The following PDE9A variants were observed in gnomAD, a reference collection of about 807,000 sequenced individuals.
PDE9A encodes phosphodiesterase 9A.
A neutral mutation model predicts 87.4 loss-of-function variants in PDE9A; 60 were observed. That is an observed-to-expected ratio of 0.69 (90% CI 0.56 to 0.85). PDE9A has a LOEUF of 0.85. Among genes scored for constraint, PDE9A ranks in the 40% least tolerant of loss-of-function variants. PDE9A has a pLI of 0.00. For synonymous variants in PDE9A, 272 were observed against 279.4 expected, an observed-to-expected ratio of 0.97 and a Z score of 0.27; for missense variants, 665 against 779.0, an observed-to-expected ratio of 0.85 and a Z score of 1.74.
intron 1 of PDE9A, among the ~76,000 whole-genome samples, chr21:42,682,375 C>A (rs1462681409): frequency 6.6e-6 from 1 of 152,224 alleles, no homozygotes; most frequent in African/African-American, 2.4e-5. Context: ...TTTTTTCCAA[C>A]ATAATCTCAA....
In PDE9A at chr21:42,661,587, C is replaced by T. The variant is rs537687027; in HGVS notation, c.69+7704C>T. 7.1e-4 allele frequency among the ~76,000 whole-genome samples: 108 copies of T among 152,244 alleles called. No individual in the cohort carries two copies. In the Middle Eastern group the frequency reaches 0.014, roughly 19 times the overall value. On this transcript the variant is annotated intron_variant, in intron 1 of 19. Transcript: ENST00000291539. ...AATTTCCTGCCTTTTTAAGGCCGAG[C>T]GGTATTCCATTGTGTGCGTGGACCA...
At position 42,653,887 on chromosome 21, in the gene PDE9A, GC is replaced by G; in HGVS notation, c.69+8del. 6.5e-7 allele frequency: 1 copy of G among 1,532,296 alleles called. No individual in the cohort carries two copies. 94.9% of individuals were successfully genotyped at this position (1,532,296 alleles called of 1,614,324 possible). On this transcript the variant is annotated splice_donor_5th_base_variant and intron_variant, in intron 1 of 19. Transcript: ENST00000291539. ...CATCGATGGACGCATTCAGAAGGTAGCCCCTCCCCCACCCAGACACCCCCTC... is the reference window on the plus strand; with the variant it reads ...CATCGATGGACGCATTCAGAAGGTAGCCCTCCCCCACCCAGACACCCCCTC...
At chr21:42,754,160 G>T in intron 10 of PDE9A, 96 bp downstream of exon 10, 3 of 669,102 alleles carry the variant, frequency 4.5e-6, no homozygotes, top group South Asian at 1.7e-5. Flanking sequence ...CCTCCTTCTT[G>T]CTTTTTCCTC....
intron 17 of PDE9A, 80 bp from the exon 18 acceptor site, chr21:42,770,623 A>G: frequency 1.8e-6 from 2 of 1,087,020 alleles, no homozygotes; most frequent in Non-Finnish European, 2.8e-6. Context: ...CGCACGGAGC[A>G]CCTGACACCT....
chr21:42,737,545 T>C (rs2052587070), intron 7 of PDE9A, among the ~76,000 whole-genome samples: 6 of 152,208 alleles, frequency 3.9e-5, no homozygotes, highest in Admixed American at 1.3e-4. Context: ...CTGCAACCTC[T>C]GCCCCCCGAA....
intron 1 of PDE9A, among the ~76,000 whole-genome samples, chr21:42,663,529 G>A (rs73379624): frequency 0.056 from 8,489 of 152,284 alleles, 665 homozygotes; most frequent in African/African-American, 0.17. Context: ...CTCATTGCCC[G>A]ATGTGATGAG....
chr21:42,662,898 AC>A (rs1181990312), intron 1 of PDE9A, among the ~76,000 whole-genome samples: 1 of 131,906 alleles, frequency 7.6e-6, no homozygotes, highest in Non-Finnish European at 1.6e-5. Flanking sequence ...ACAAAAACAC[AC>A]CACACACACC....
rs1601827052 is a variant in PDE9A, at chr21:42,653,729, C to A, written c.-86C>A. 1 of 505,756 alleles carries A rather than the reference C, an allele frequency of 2.0e-6. No individual in the cohort carries two copies. Among genetic ancestry groups the A allele is most frequent in the Non-Finnish European group, 3.4e-6 (1 of 293,056 alleles). 31.3% of individuals were successfully genotyped at this position (505,756 alleles called of 1,614,324 possible). ...CCGCGGGCCGCCCCCCGCCCGCCCC[C>A]TCCCCTGCTCCCCTCCCCCGCCTCC... On this transcript the variant is annotated 5_prime_UTR_variant, in exon 1 of 20. Coordinates refer to ENST00000291539, the MANE Select transcript of PDE9A (RefSeq NM_002606.3).
At chr21:42,743,727 C>A in intron 7 of PDE9A, 49 bp from the exon 8 acceptor site, 1 of 1,195,654 alleles carries the variant, frequency 8.4e-7, no homozygotes. Context: ...GAGAGATCCT[C>A]CACATTCGTC....
At chr21:42,709,685 G>A (rs1046288672) in intron 4 of PDE9A, among the ~76,000 whole-genome samples, 6 of 152,130 alleles carry the variant, frequency 3.9e-5, no homozygotes, top group Non-Finnish European at 8.8e-5. Context: ...GTTTGTGTGT[G>A]TGTGCGTTTG....
intron 13 of PDE9A, among the ~76,000 whole-genome samples, chr21:42,761,534 C>G (rs77208106): frequency 0.011 from 1,628 of 152,332 alleles, 26 homozygotes; most frequent in African/African-American, 0.036. Flanking sequence ...GCAGCTCTCT[C>G]TGTTGAACTG....
At position 42,754,453 on chromosome 21, in the gene PDE9A, G is replaced by A. The variant is rs1006594351; in HGVS notation, c.810+389G>A. 1.2e-4 allele frequency among the ~76,000 whole-genome samples: 18 copies of A among 152,322 alleles called. No homozygotes were observed. The South Asian group carries it at 2.7e-3, about 23-fold the overall frequency. The stretch of plus-strand genomic sequence containing the variant: ...AATCTCTCCTCAAGGAAGGGGCTGC[G>A]GTCAGAGTGCTCTGCTCTGAGAGCA... On this transcript the variant is annotated intron_variant, in intron 10 of 19. Transcript: ENST00000291539.
intron 7 of PDE9A, chr21:42,741,291 G>A (rs1379447915): frequency 6.6e-6 from 1 of 152,260 alleles, no homozygotes; most frequent in Non-Finnish European, 1.5e-5. Context: ...AACCCAAAAT[G>A]TGTTCTTGGG....
intron 10 of PDE9A, among the ~76,000 whole-genome samples, chr21:42,754,506 C>T (rs1330008559): frequency 6.6e-6 from 1 of 152,226 alleles, no homozygotes; most frequent in Non-Finnish European, 1.5e-5. Context: ...GCACAGGCAA[C>T]CGGCTGCCCC....
chr21:42,730,377 C>T (rs574556057), intron 4 of PDE9A, among the ~76,000 whole-genome samples: 177 of 152,148 alleles, frequency 1.2e-3, no homozygotes, highest in South Asian at 4.2e-3. Context: ...TCTGGTCTAC[C>T]CTCTCGTTTG....
At position 42,705,606 on chromosome 21, in the gene PDE9A, C is replaced by T. The variant is rs188534200; in HGVS notation, c.262+6595C>T. Among the ~76,000 whole-genome samples the T allele has an allele frequency of 1.1e-4, 16 of 152,214 alleles. No homozygotes were observed. In the South Asian group the frequency reaches 1.5e-3, roughly 14 times the overall value. ...GGGGATTGTGTCTTTTTGACCAGAG[C>T]GTTAGGGAAAGCGTGCTGCAGTCAC... On this transcript the variant is annotated intron_variant, in intron 4 of 19. Coordinates refer to ENST00000291539, the MANE Select transcript of PDE9A (RefSeq NM_002606.3). The surrounding 1 kb of genome is among the most constrained non-coding windows in gnomAD (Gnocchi z 4.3).
intron 4 of PDE9A, among the ~76,000 whole-genome samples, chr21:42,720,850 A>G (rs1184676506): frequency 1.3e-5 from 2 of 151,872 alleles, no homozygotes; most frequent in African/African-American, 4.8e-5. Context: ...TACTAAAAAT[A>G]CAAAATTAGC....
In PDE9A at chr21:42,751,151, A is replaced by T. The variant is rs767390196; in HGVS notation, c.689A>T (p.Asn230Ile). ...NCPCKYSFLD[N>I]HKKLTPRRDV... Reference sequence around the variant, plus strand: ...CCCTGTAAGTACAGTTTTTTGGATAACCACAAGAAGTTGACTCCTCGACGC... The same window carrying T: ...CCCTGTAAGTACAGTTTTTTGGATATCCACAAGAAGTTGACTCCTCGACGC... The change falls in exon 9 of 20, where the codon AAC (asparagine) becomes ATC (isoleucine). Residue 230 changes from asparagine to isoleucine, a missense_variant. By Grantham distance (149) the Asn-to-Ile change is moderately radical. Transcript: ENST00000291539. The T allele has an allele frequency of 6.2e-7, 1 of 1,613,292 alleles. No individual in the cohort carries two copies. The highest frequency in any genetic ancestry group is 1.1e-5 in the South Asian group (1 of 91,072).
chr21:42,719,055 C>T (rs1338769930), intron 4 of PDE9A, among the ~76,000 whole-genome samples: 6 of 151,692 alleles, frequency 4.0e-5, no homozygotes, highest in Non-Finnish European at 8.8e-5. Context: ...CTCTCTAACT[C>T]GACTACATTT....
Sources: allele counts gnomAD v4.1 joint callset (sites outside exome capture counted in the v4.1 genomes callset), GRCh38; gene constraint gnomAD v4.1.1; non-coding constraint Gnocchi (gnomAD v3.1); transcripts MANE v1.5; gene names NCBI Gene and HGNC (gene_info 2026-07-23, HGNC 2026-07-21).